CLINT1: variants seen among roughly 807,000 people sequenced by gnomAD.
The protein encoded by CLINT1 is clathrin interactor 1.
In CLINT1, 15 loss-of-function variants were observed where a neutral mutation model predicts 70.4. The ratio of observed to expected loss-of-function variants is 0.21; its 90% CI spans 0.14 to 0.33. CLINT1 has a LOEUF of 0.33. CLINT1 is among the 10% of genes least tolerant of loss of function. The probability of loss-of-function intolerance (pLI) is 1.00; values close to 1 mark genes in which losing one functional copy is unlikely to be tolerated. For synonymous variants in CLINT1, 227 were observed against 254.7 expected, an observed-to-expected ratio of 0.89 and a Z score of 1.04; for missense variants, 615 against 778.1, an observed-to-expected ratio of 0.79 and a Z score of 2.49.
At chr5:157,858,874 T>TCCCCCCCCCCCCCCCCCCCCCCCCGCCC in intron 1 of CLINT1, 56 bp downstream of exon 1, 1 of 957,434 alleles carries the variant, frequency 1.0e-6, no homozygotes, top group South Asian at 1.4e-5. Context: ...CAGCTCCTTC[T>TCCCCCCCCCCCCCCCCCCCCCCCCGCCC]CCCCCTCCCC....
intron 1 of CLINT1, among the ~76,000 whole-genome samples, chr5:157,822,298 C>T (rs146024804): frequency 1.3e-5 from 2 of 152,090 alleles, no homozygotes; most frequent in Admixed American, 6.5e-5. Flanking sequence ...ATGCTGCAAC[C>T]GTTAACTCGT....
intron 10 of CLINT1, among the ~76,000 whole-genome samples, chr5:157,791,225 A>G (rs1224603162): frequency 6.6e-6 from 1 of 151,968 alleles, no homozygotes. Context: ...TGCCTGGCTA[A>G]TTTTTTGTAT....
At chr5:157,838,911 C>T (rs1305916591) in intron 1 of CLINT1, among the ~76,000 whole-genome samples, 2 of 152,320 alleles carry the variant, frequency 1.3e-5, no homozygotes, top group East Asian at 3.8e-4. Flanking sequence ...ATATAGTGCT[C>T]TTCACAAATC....
At chr5:157,800,331 C>T (rs914694929) in intron 8 of CLINT1, among the ~76,000 whole-genome samples, 6 of 152,132 alleles carry the variant, frequency 3.9e-5, no homozygotes, top group Non-Finnish European at 8.8e-5. Context: ...TTTGTGCCCA[C>T]ATTACTTGCA....
chr5:157,841,620 A>G (rs1009502357), intron 1 of CLINT1, among the ~76,000 whole-genome samples: 22 of 152,104 alleles, frequency 1.4e-4, no homozygotes, highest in Non-Finnish European at 2.6e-4. Flanking sequence ...ATTCTGAGCC[A>G]TCATTTTTTT....
At chr5:157,797,884 A>G (rs1228078579) in intron 8 of CLINT1, among the ~76,000 whole-genome samples, 1 of 152,256 alleles carries the variant, frequency 6.6e-6, no homozygotes, top group African/African-American at 2.4e-5. Flanking sequence ...TATAGCAAAT[A>G]GTATTCCTCT....
At chr5:157,823,716 T>C in intron 1 of CLINT1, 1 of 755,520 alleles carries the variant, frequency 1.3e-6, no homozygotes, top group Non-Finnish European at 1.6e-6. Flanking sequence ...TAAATCTTCT[T>C]AATAATTTTT....
At position 157,843,700 on chromosome 5, in the gene CLINT1, A is replaced by G. The variant is rs568606677; in HGVS notation, c.41+15230T>C. On this transcript the variant is annotated intron_variant, in intron 1 of 11. Coordinates refer to ENST00000411809, the MANE Select transcript of CLINT1 (RefSeq NM_014666.4). ...GGTGGTGCTCCATTTAAAACACTCT[A>G]TTAAGGCAATTTTATGAAATGTATT... is the stretch of plus-strand genomic sequence containing the variant. Among the ~76,000 whole-genome samples, 9 of 152,310 alleles carry G rather than the reference A, an allele frequency of 5.9e-5. No individual in the cohort carries two copies. The East Asian group carries it at 9.6e-4, about 16-fold the overall frequency.
chr5:157,837,649 C>CTTTTTTTTTTTTTTTTTTTTTT (rs202044066), intron 1 of CLINT1, among the ~76,000 whole-genome samples: 1 of 138,554 alleles, frequency 7.2e-6, no homozygotes, highest in African/African-American at 2.8e-5. Flanking sequence ...AGCTCTTTTA[C>CTTTTTTTTTTTTTTTTTTTTTT]TTTTTTTTTT....
chr5:157,811,130 C>T (rs555278026), intron 5 of CLINT1, among the ~76,000 whole-genome samples: 8 of 152,182 alleles, frequency 5.3e-5, no homozygotes, highest in Admixed American at 4.6e-4. Flanking sequence ...AACAAATTTA[C>T]ACGAAAAATG....
chr5:157,840,774 C>T lies in CLINT1; in HGVS notation c.41+18156G>A, dbSNP rs530517552. Among the ~76,000 whole-genome samples, 22 of 152,062 alleles carry T rather than the reference C, an allele frequency of 1.4e-4. 1 individual carries two copies. The highest frequency in any genetic ancestry group is 2.9e-4 in the Non-Finnish European group (20 of 67,996). On this transcript the variant is annotated intron_variant, in intron 1 of 11. Coordinates refer to ENST00000411809, the MANE Select transcript of CLINT1 (RefSeq NM_014666.4). Reference sequence around the variant, plus strand: ...TATTTTTGGCTGGCATGGTGGCTCACGCTTGTAATCCTAGCACTTTGGAAG... The same window carrying T: ...TATTTTTGGCTGGCATGGTGGCTCATGCTTGTAATCCTAGCACTTTGGAAG...
chr5:157,859,000 C>G lies in CLINT1; in HGVS notation c.-30G>C. The G allele has an allele frequency of 2.5e-6, 4 of 1,610,168 alleles. No individual in the cohort carries two copies. The highest frequency in any genetic ancestry group is 3.4e-6 in the Non-Finnish European group (4 of 1,178,378). On this transcript the variant is annotated 5_prime_UTR_variant, in exon 1 of 12. Transcript: ENST00000411809. ...CCCCGCGCGGGACGGTCCGCCGCCT[C>G]CCTCTCCTGCTCCCCACGGACCCCG...
At chr5:157,840,738 A>AT (rs1753146808) in intron 1 of CLINT1, among the ~76,000 whole-genome samples, 1 of 149,416 alleles carries the variant, frequency 6.7e-6, no homozygotes, top group Non-Finnish European at 1.5e-5. Context: ...GTTTATCTCA[A>AT]TAAAAAAATA....
chr5:157,855,143 A>G (rs201534028), intron 1 of CLINT1, among the ~76,000 whole-genome samples: 544 of 40,656 alleles, frequency 0.013, 23 homozygotes, highest in African/African-American at 0.036. Flanking sequence ...ACTGTCTCCG[A>G]AAAAAAAAAA....
intron 1 of CLINT1, among the ~76,000 whole-genome samples, chr5:157,829,246 T>A (rs1763140679): frequency 6.6e-6 from 1 of 152,178 alleles, no homozygotes; most frequent in African/African-American, 2.4e-5. Context: ...CAGGAAAGAC[T>A]GGGAATGACA....
At chr5:157,827,202 T>C (rs1209670130) in intron 1 of CLINT1, among the ~76,000 whole-genome samples, 1 of 152,110 alleles carries the variant, frequency 6.6e-6, no homozygotes, top group African/African-American at 2.4e-5. Flanking sequence ...CAGAAAAGAT[T>C]ACCTAATACG....
chr5:157,817,352 C>A (rs1485415455), intron 2 of CLINT1, 91 bp downstream of exon 2: 1 of 778,676 alleles, frequency 1.3e-6, no homozygotes, highest in African/African-American at 1.7e-5. Context: ...ATTTTGGCAG[C>A]CAAATAGTTT....
rs1803856 is a variant in CLINT1, at chr5:157,791,912, C to T, written c.1171G>A (p.Glu391Lys). The change falls in exon 10 of 12, where the codon GAG (glutamate) becomes AAG (lysine). Residue 391 changes from glutamate to lysine, a missense_variant. Transcript: ENST00000411809. ...GGCTGTGAGGCACTGCCAAAGAACT[C>T]GCCACTGGAAGCAACAGGGCCTGAT... ...APSGPVASSG[E>K]FFGSASQPAV... 1.9e-5 allele frequency: 31 copies of T among 1,613,980 alleles called. No homozygotes were observed. The South Asian group carries it at 2.3e-4, about 12-fold the overall frequency.
Position 157,836,327 on chromosome 5 carries a change from C to T in CLINT1, c.42-18780G>A, listed in dbSNP as rs568149150. 3.9e-5 allele frequency among the ~76,000 whole-genome samples: 6 copies of T among 152,304 alleles called. No individual in the cohort carries two copies. In the East Asian group the frequency reaches 1.2e-3, roughly 29 times the overall value. ...TGAGGCACAAAGAGGTTAAGTATCTCACTAGAGGTCACACAACCATTAACT... is the reference window on the plus strand; with the variant it reads ...TGAGGCACAAAGAGGTTAAGTATCTTACTAGAGGTCACACAACCATTAACT... On this transcript the variant is annotated intron_variant, in intron 1 of 11. Transcript: ENST00000411809.
Sources: gnomAD v4.1 joint callset for allele counts (sites outside exome capture counted in the v4.1 genomes callset) on GRCh38, gnomAD v4.1.1 for gene constraint, MANE v1.5 for transcripts, NCBI Gene and HGNC (gene_info 2026-07-23, HGNC 2026-07-21) for gene names.